Variants in CSMD1 observed in about 807,000 individuals in gnomAD.
The protein encoded by CSMD1 is CUB and sushi domain-containing protein 1.
A neutral mutation model predicts 417.5 loss-of-function variants in CSMD1; 213 were observed. The observed-to-expected ratio is 0.51, with a 90% confidence interval of 0.46 to 0.57. The LOEUF is 0.57. Ranked by LOEUF, CSMD1 falls within the 20% of genes least tolerant of loss-of-function variation. The probability of loss-of-function intolerance (pLI) is 0.00; values close to 1 mark genes in which losing one functional copy is unlikely to be tolerated. For missense variants in CSMD1, 6,923 were observed against 4,529.7 expected (o/e 1.53, Z -15.17); for synonymous variants, 2,862 against 1,736.8 (o/e 1.65, Z -16.11).
chr8:4,231,736 C>T (rs530391398), intron 3 of CSMD1, among the ~76,000 whole-genome samples: 2 of 152,084 alleles, frequency 1.3e-5, no homozygotes, highest in Non-Finnish European at 2.9e-5. Context: ...AGTGATGGAC[C>T]ATGGAAAAAG....
intron 2 of CSMD1, among the ~76,000 whole-genome samples, chr8:4,476,311 C>A (rs1008864419): frequency 6.6e-6 from 1 of 152,014 alleles, no homozygotes; most frequent in Admixed American, 6.6e-5. Context: ...TATTCTAACA[C>A]GAAATTTCAC....
chr8:2,940,025 T>C (rs1252394096), intron 69 of CSMD1, among the ~76,000 whole-genome samples: 1 of 152,150 alleles, frequency 6.6e-6, no homozygotes, highest in East Asian at 1.9e-4. Flanking sequence ...CCTTGGGCTC[T>C]GAGGAAGCAA....
intron 3 of CSMD1, among the ~76,000 whole-genome samples, chr8:4,057,374 G>A (rs142746679): frequency 0.086 from 12,806 of 149,052 alleles, 945 homozygotes; most frequent in African/African-American, 0.18. Flanking sequence ...ACTTTTTGAT[G>A]GGGTTATTTG....
intron 1 of CSMD1, among the ~76,000 whole-genome samples, chr8:4,966,473 G>C (rs1809864964): frequency 6.6e-6 from 1 of 152,128 alleles, no homozygotes; most frequent in Admixed American, 6.6e-5. Context: ...ATCACTTCCA[G>C]ATCTCAATGG....
chr8:3,988,622 C>A (rs970615399), intron 5 of CSMD1, among the ~76,000 whole-genome samples: 2 of 152,228 alleles, frequency 1.3e-5, no homozygotes, highest in Non-Finnish European at 1.5e-5. Context: ...TGGAGAGGAA[C>A]GTTTAATAGA....
chr8:3,860,831 T>A (rs566339682), intron 5 of CSMD1, among the ~76,000 whole-genome samples: 2 of 152,310 alleles, frequency 1.3e-5, no homozygotes, highest in Admixed American at 6.5e-5. Flanking sequence ...AACAAACGTG[T>A]TCTCTAAGAA....
chr8:3,047,329 T>C (rs1811525768), intron 50 of CSMD1, among the ~76,000 whole-genome samples: 1 of 152,118 alleles, frequency 6.6e-6, no homozygotes, highest in Non-Finnish European at 1.5e-5. Context: ...GATTCCCGTG[T>C]TCCTTCATCT....
In CSMD1 at chr8:3,607,825, G is replaced by C. The variant is rs73660387; in HGVS notation, c.1097+8885C>G. On this transcript the variant is annotated intron_variant, in intron 8 of 69. Coordinates refer to ENST00000635120, the MANE Select transcript of CSMD1 (RefSeq NM_033225.6). ...CAAATGAGAAGAATCAGCATGGCTG[G>C]TGTTGGTGTGGCAGAAAGGAGATGA... Among the ~76,000 whole-genome samples the C allele has an allele frequency of 3.8e-3, 578 of 152,274 alleles. 1 individual carries two copies. The highest frequency in any genetic ancestry group is 0.013 in the African/African-American group (529 of 41,556).
At chr8:4,518,883 T>G (rs1312400806) in intron 2 of CSMD1, among the ~76,000 whole-genome samples, 1 of 152,132 alleles carries the variant, frequency 6.6e-6, no homozygotes, top group African/African-American at 2.4e-5. Flanking sequence ...CTTCAAAGGT[T>G]TTCAAGTAAA....
chr8:3,511,152 T>C lies in CSMD1; in HGVS notation c.1345-17426A>G, dbSNP rs535303588. Among the ~76,000 whole-genome samples the C allele has an allele frequency of 2.2e-4, 33 of 151,844 alleles. No individual in the cohort carries two copies. The South Asian group carries it at 6.6e-3, about 31-fold the overall frequency. On this transcript the variant is annotated intron_variant, in intron 10 of 69. Transcript: ENST00000635120. Reference sequence around the variant, plus strand: ...GGAACAGAAAACCAAACACTGCATGTTCTCAGTAATAAGTGGGAGTTGAAC... The same window carrying C: ...GGAACAGAAAACCAAACACTGCATGCTCTCAGTAATAAGTGGGAGTTGAAC...
intron 5 of CSMD1, among the ~76,000 whole-genome samples, chr8:3,893,608 A>G (rs12550243): frequency 0.62 from 93,946 of 151,462 alleles, 30,519 homozygotes; most frequent in Admixed American, 0.74. Context: ...CTCCACCATT[A>G]GAATCTACTT....
At position 3,721,663 on chromosome 8, in the gene CSMD1, C is replaced by T. The variant is rs968985168; in HGVS notation, c.932-13172G>A. ...ACCTTTATTTTGCTGTTTTCCTCCT[C>T]ATGGTTTTGGAAGAGCTTCTTTAAT... On this transcript the variant is annotated intron_variant, in intron 6 of 69. Transcript: ENST00000635120. Among the ~76,000 whole-genome samples the T allele has an allele frequency of 3.3e-5, 5 of 152,114 alleles. No homozygotes were observed. In the South Asian group the frequency reaches 1.0e-3, roughly 32 times the overall value.
chr8:4,263,706 T>C (rs1163072760), intron 3 of CSMD1, among the ~76,000 whole-genome samples: 1 of 152,192 alleles, frequency 6.6e-6, no homozygotes, highest in East Asian at 1.9e-4. Context: ...AGGAAGCATC[T>C]TACTGGCAAC....
chr8:3,543,878 A>G (rs1316544943), intron 10 of CSMD1, among the ~76,000 whole-genome samples: 1 of 152,230 alleles, frequency 6.6e-6, no homozygotes, highest in Admixed American at 6.5e-5. Context: ...GAGTCAGGAC[A>G]GATGAAGAAA....
At chr8:4,783,266 G>C (rs1348546776) in intron 1 of CSMD1, among the ~76,000 whole-genome samples, 1 of 152,186 alleles carries the variant, frequency 6.6e-6, no homozygotes, top group Non-Finnish European at 1.5e-5. Context: ...AGGAAATCAA[G>C]ATGGTGAATA....
intron 3 of CSMD1, among the ~76,000 whole-genome samples, chr8:4,360,339 T>A (rs569252818): frequency 5.3e-5 from 8 of 152,206 alleles, no homozygotes; most frequent in Admixed American, 3.3e-4. Context: ...CCTCCTCTTA[T>A]CTGTTGCATG....
At chr8:3,673,340 C>G (rs1799182860) in intron 7 of CSMD1, among the ~76,000 whole-genome samples, 1 of 152,106 alleles carries the variant, frequency 6.6e-6, no homozygotes, top group Non-Finnish European at 1.5e-5. Flanking sequence ...AAGTACTGAA[C>G]AAAAGAATTG....
intron 3 of CSMD1, among the ~76,000 whole-genome samples, chr8:4,121,926 C>T (rs1044489840): frequency 4.6e-5 from 7 of 152,076 alleles, no homozygotes; most frequent in Admixed American, 3.3e-4. Context: ...ATCACACTCC[C>T]TGATTTTATA....
At chr8:4,000,072 C>A (rs767288970) in intron 4 of CSMD1, among the ~76,000 whole-genome samples, 3 of 152,258 alleles carry the variant, frequency 2.0e-5, no homozygotes, top group Non-Finnish European at 4.4e-5. Context: ...AAAAGTACTT[C>A]CTGTGCCCAC....
Sources: allele counts gnomAD v4.1 joint callset (sites outside exome capture counted in the v4.1 genomes callset), GRCh38; gene constraint gnomAD v4.1.1; transcripts MANE v1.5; gene names NCBI Gene and HGNC (gene_info 2026-07-23, HGNC 2026-07-21).